PSME4: variants seen among roughly 807,000 people sequenced by gnomAD.
The protein encoded by PSME4 is proteasome activator subunit 4, also known as proteasome activator complex subunit 4.
PSME4 carries 89 observed loss-of-function variants against 253.9 expected under a neutral mutation model. The observed-to-expected ratio is 0.35, with a 90% CI of 0.30 to 0.42. PSME4 has a LOEUF of 0.42. PSME4 is among the 10% of genes least tolerant of loss of function. The probability of loss-of-function intolerance (pLI) is 1.00; values close to 1 mark genes in which losing one functional copy is unlikely to be tolerated. For missense variants in PSME4, 2,014 were observed against 2,195.2 expected (o/e 0.92, Z 1.65); for synonymous variants, 851 against 759.2 (o/e 1.12, Z -1.99).
intron 17 of PSME4, 26 bp downstream of exon 17, chr2:53,922,491 T>C (rs770269781): frequency 1.2e-6 from 2 of 1,606,618 alleles, no homozygotes; most frequent in African/African-American, 2.7e-5. Flanking sequence ...CACAGTCATG[T>C]TTCTTATTCC....
intron 3 of PSME4, among the ~76,000 whole-genome samples, chr2:53,940,907 TAC>T (rs1287149011): frequency 9.4e-5 from 11 of 116,648 alleles, no homozygotes; most frequent in African/African-American, 3.7e-4. Context: ...ATATATATAA[TAC>T]ATATTTAAAT....
In PSME4 at chr2:53,969,786, T is replaced by A. The variant is rs529322049; in HGVS notation, c.242+757A>T. ...GATTTAGGTAATCTCTTAATCTGAG[T>A]AACTCAAAAAATTAACACAAGCCTG... On this transcript the variant is annotated intron_variant, in intron 1 of 46. Transcript: ENST00000404125. Among the ~76,000 whole-genome samples, 8 of 151,216 alleles carry A rather than the reference T, an allele frequency of 5.3e-5. No homozygotes were observed. In the South Asian group the frequency reaches 1.7e-3, roughly 32 times the overall value.
intron 40 of PSME4, 129 bp from the exon 41 acceptor site, chr2:53,885,904 CTA>C (rs1373411643): frequency 3.7e-6 from 2 of 547,044 alleles, no homozygotes; most frequent in East Asian, 5.9e-5. Flanking sequence ...AAGATATCAT[CTA>C]TGTTACTTCA....
rs769951507 is a variant in PSME4 at position 53,932,067 on chromosome 2, T to A, written c.1084A>T (p.Asn362Tyr). Reference sequence around the variant, plus strand: ...CGATGCAATCTTCTAACAACACTGTTTGGCAACCGCTGAAGTAGTTTCATT... The same window carrying A: ...CGATGCAATCTTCTAACAACACTGTATGGCAACCGCTGAAGTAGTTTCATT... ...KLMKLLQRLP[N>Y]SVVRRLHRER... The change falls in exon 10 of 47, where the codon AAC becomes TAC. Residue 362 changes from asparagine (N) to tyrosine (Y), a missense_variant. Physicochemically the swap from Asn to Tyr is moderately radical, Grantham distance 143. This residue lies in a region of PSME4 where 615 missense variants were observed against 594.4 expected (regional missense o/e 1.03). Coordinates refer to ENST00000404125, the MANE Select transcript of PSME4 (RefSeq NM_014614.3). 6.2e-7 allele frequency: 1 copy of A among 1,614,110 alleles called. No homozygotes were observed. Among genetic ancestry groups the A allele is most frequent in the South Asian group, 1.1e-5 (1 of 91,080 alleles).
chr2:53,958,583 A>G (rs1670340022), intron 1 of PSME4, among the ~76,000 whole-genome samples: 1 of 152,190 alleles, frequency 6.6e-6, no homozygotes, highest in Non-Finnish European at 1.5e-5. Flanking sequence ...TCCTCTCCCA[A>G]GAGGCGCTTC....
chr2:53,939,644 C>T (rs1391624127), intron 4 of PSME4, among the ~76,000 whole-genome samples: 1 of 152,264 alleles, frequency 6.6e-6, no homozygotes, highest in East Asian at 1.9e-4. Flanking sequence ...TTATGAACCA[C>T]CTTCTTGGCA....
At chr2:53,967,550 G>T (rs569785674) in intron 1 of PSME4, among the ~76,000 whole-genome samples, 1 of 145,772 alleles carries the variant, frequency 6.9e-6, no homozygotes, top group South Asian at 2.2e-4. Context: ...GCTGAGGCAG[G>T]AGAATCGTTT....
chr2:53,903,982 T>G lies in PSME4; in HGVS notation c.3075+43A>C, dbSNP rs138610875. ...GTAGAATTTTTTCAGCTTTTCAGTA[T>G]GTTTGAAAATGTTTACAGTAAAATA... is the stretch of plus-strand genomic sequence containing the variant. On this transcript the variant is annotated intron_variant, in intron 27 of 46. Transcript: ENST00000404125. The G allele has an allele frequency of 3.3e-6, 5 of 1,506,058 alleles. No individual in the cohort carries two copies. In the African/African-American group the frequency reaches 7.0e-5, roughly 21 times the overall value. The allele number at this position is 1,506,058 out of a possible 1,614,324, so 93.3% of individuals were successfully genotyped here. A position where few individuals can be genotyped will look rare whatever the true frequency, so the allele number is the denominator to read the frequency against.
At chr2:53,901,667 T>C in intron 27 of PSME4, 108 bp from the exon 28 acceptor site, 1 of 783,526 alleles carries the variant, frequency 1.3e-6, no homozygotes. Flanking sequence ...ATTACTTAAA[T>C]GCTTAATATT....
intron 10 of PSME4, among the ~76,000 whole-genome samples, chr2:53,931,317 G>A (rs773977832): frequency 7.2e-5 from 11 of 151,866 alleles, no homozygotes; most frequent in Non-Finnish European, 1.2e-4. Context: ...AGTATACCAC[G>A]CCTATTCTGT....
Position 53,922,593 on chromosome 2 carries a change from A to G in PSME4, c.1979-9T>C, listed in dbSNP as rs376648621. ...ATTTAATACATCATCATCTAAAAAC[A>G]GCAAAATACTATTAGGGGGAAAAAC... is the stretch of plus-strand genomic sequence containing the variant. On this transcript the variant is annotated splice_polypyrimidine_tract_variant and intron_variant, in intron 16 of 46. Coordinates refer to ENST00000404125, the MANE Select transcript of PSME4 (RefSeq NM_014614.3). 3 of 1,610,578 alleles carry G rather than the reference A, an allele frequency of 1.9e-6. No individual in the cohort carries two copies. In the African/African-American group the frequency reaches 4.0e-5, roughly 22 times the overall value.
intron 33 of PSME4, among the ~76,000 whole-genome samples, chr2:53,895,278 A>G (rs1680090338): frequency 6.6e-6 from 1 of 152,150 alleles, no homozygotes; most frequent in African/African-American, 2.4e-5. Flanking sequence ...AAGGAGAGAA[A>G]AATATGTATT....
At chr2:53,891,687 T>C (rs918418318) in intron 36 of PSME4, among the ~76,000 whole-genome samples, 2 of 151,952 alleles carry the variant, frequency 1.3e-5, no homozygotes, top group Non-Finnish European at 2.9e-5. Context: ...GGAGAAACCC[T>C]GCCTCTATTA....
At chr2:53,868,988 A>G (rs776363724) in intron 44 of PSME4, among the ~76,000 whole-genome samples, 2 of 152,118 alleles carry the variant, frequency 1.3e-5, no homozygotes, top group African/African-American at 2.4e-5. Flanking sequence ...CCCCTCTCCA[A>G]ATAAAAAACA....
chr2:53,958,610 A>G (rs910852665), intron 1 of PSME4, among the ~76,000 whole-genome samples: 2 of 152,208 alleles, frequency 1.3e-5, no homozygotes, highest in Non-Finnish European at 2.9e-5. Context: ...AGTCAGATTC[A>G]GGACAATAAT....
chr2:53,876,053 T>C (rs1209556711), intron 41 of PSME4, among the ~76,000 whole-genome samples: 1 of 152,090 alleles, frequency 6.6e-6, no homozygotes, highest in Non-Finnish European at 1.5e-5. Flanking sequence ...TTCTAAAAGG[T>C]CCCTTAAAAA....
intron 3 of PSME4, among the ~76,000 whole-genome samples, chr2:53,942,881 C>A (rs778420058): frequency 2.6e-5 from 4 of 152,172 alleles, no homozygotes; most frequent in Non-Finnish European, 4.4e-5. Flanking sequence ...TGTCCCAGTT[C>A]TTAAGCTCTT....
chr2:53,934,813 G>A (rs1195470911), intron 7 of PSME4, 86 bp from the exon 8 acceptor site: 28 of 1,012,128 alleles, frequency 2.8e-5, no homozygotes, highest in Non-Finnish European at 3.8e-5. Context: ...TAGTGTTACT[G>A]AAGATATTTT....
rs930418338 is a variant in PSME4, at chr2:53,970,979, G to C, written c.-195C>G. 1 of 471,324 alleles carries C rather than the reference G, an allele frequency of 2.1e-6. No individual in the cohort carries two copies. Among genetic ancestry groups the C allele is most frequent in the Non-Finnish European group, 3.6e-6 (1 of 275,808 alleles). The allele number at this position is 471,324 out of a possible 1,614,324, so 29.2% of individuals were successfully genotyped here. ...ACGCGGCTCTCAGTTCGTTGGCGGC[G>C]GCAGCGGCCGCTCTGCCCGCCCCGC... On this transcript the variant is annotated 5_prime_UTR_variant, in exon 1 of 47. Transcript: ENST00000404125.
Sources: gnomAD v4.1 joint callset for allele counts (sites outside exome capture counted in the v4.1 genomes callset) on GRCh38, gnomAD v4.1.1 for gene constraint, gnomAD v4.1.1 regional missense constraint, MANE v1.5 for transcripts, NCBI Gene and HGNC (gene_info 2026-07-23, HGNC 2026-07-21) for gene names.